Variants in KLHDC10 observed in about 807,000 individuals in gnomAD.
The protein encoded by KLHDC10 is kelch domain-containing protein 10.
KLHDC10 carries 24 observed loss-of-function variants against 56.1 expected under a neutral mutation model. The ratio of observed to expected loss-of-function variants is 0.43; its 90% CI spans 0.31 to 0.60. KLHDC10 has a LOEUF of 0.60. Among genes scored for constraint, KLHDC10 ranks in the 20% least tolerant of loss-of-function variants. KLHDC10 has a pLI of 0.11. For synonymous variants in KLHDC10, 188 were observed against 207.1 expected, an observed-to-expected ratio of 0.91 and a Z score of 0.79; for missense variants, 349 against 567.0, an observed-to-expected ratio of 0.62 and a Z score of 3.91.
chr7:130,130,716 C>T lies in KLHDC10; in HGVS notation c.1299C>T (p.Leu433=), dbSNP rs1314032593. The T allele has an allele frequency of 1.2e-6, 2 of 1,614,046 alleles. No homozygotes were observed. Among genetic ancestry groups the T allele is most frequent in the Non-Finnish European group, 1.7e-6 (2 of 1,180,032 alleles). ...LSRTQLLHLG[L]TQGLIERLK ...GAACACAACTTCTGCACCTTGGACT[C>T]ACACAGGGACTCATCGAACGCTTGA... is the stretch of plus-strand genomic sequence containing the variant. Residue 433 remains leucine (L), a synonymous_variant, in exon 10 of 10, where the codon CTC becomes CTT. Coordinates refer to ENST00000335420, the MANE Select transcript of KLHDC10 (RefSeq NM_014997.4). The surrounding 1 kb of genome is among the most constrained non-coding windows in gnomAD (Gnocchi z 4.2).
chr7:130,109,478 A>T (rs1016673395), intron 2 of KLHDC10, among the ~76,000 whole-genome samples: 3 of 152,062 alleles, frequency 2.0e-5, no homozygotes, highest in African/African-American at 7.2e-5. Flanking sequence ...CTCCTGAAAA[A>T]CAGACATTCT....
In KLHDC10 at chr7:130,073,293, C is replaced by CT. The variant is rs768140763; in HGVS notation, c.166+2504dup. 6.7e-3 allele frequency among the ~76,000 whole-genome samples: 824 copies of CT among 122,904 alleles called. 12 individuals are homozygous for CT. Among genetic ancestry groups the CT allele is most frequent in the Admixed American group, 0.024 (288 of 12,060 alleles). The allele number at this position is 122,904 out of a possible 152,430, so 80.6% of individuals were successfully genotyped here. On this transcript the variant is annotated intron_variant, in intron 1 of 9. Coordinates refer to ENST00000335420, the MANE Select transcript of KLHDC10 (RefSeq NM_014997.4). ...CTTTTGACCTCTAAATCCTATTTGT[C>CT]TTTTTTTTTTTTTTTTTTTTGAGAC...
intron 2 of KLHDC10, among the ~76,000 whole-genome samples, chr7:130,111,777 A>C (rs1209496614): frequency 6.6e-6 from 1 of 152,192 alleles, no homozygotes; most frequent in Non-Finnish European, 1.5e-5. Flanking sequence ...ATAGATCTAA[A>C]AAGTAGGCAA....
At chr7:130,113,069 A>G (rs1796122541) in intron 2 of KLHDC10, among the ~76,000 whole-genome samples, 1 of 152,222 alleles carries the variant, frequency 6.6e-6, no homozygotes, top group African/African-American at 2.4e-5. Flanking sequence ...TACAATCAAT[A>G]TGAAAACTAA....
At chr7:130,125,491 C>A (rs1332355736) in intron 6 of KLHDC10, among the ~76,000 whole-genome samples, 1 of 151,962 alleles carries the variant, frequency 6.6e-6, no homozygotes, top group Non-Finnish European at 1.5e-5. Context: ...TGCAGTGAGC[C>A]AAGATCGCGT....
intron 1 of KLHDC10, among the ~76,000 whole-genome samples, chr7:130,072,778 A>C (rs1795435738): frequency 8.2e-6 from 1 of 122,216 alleles, no homozygotes; most frequent in Admixed American, 8.2e-5. Context: ...ATTTATTGAG[A>C]TGGAGTCTCA....
intron 1 of KLHDC10, among the ~76,000 whole-genome samples, chr7:130,073,122 A>G (rs1448661546): frequency 6.6e-6 from 1 of 151,676 alleles, no homozygotes; most frequent in African/African-American, 2.4e-5. Flanking sequence ...TAACCCCAGC[A>G]CTTTGAAAGT....
intron 1 of KLHDC10, among the ~76,000 whole-genome samples, chr7:130,092,217 ACTT>A (rs1350490714): frequency 2.0e-5 from 3 of 152,092 alleles, no homozygotes; most frequent in Non-Finnish European, 4.4e-5. Flanking sequence ...GTCTTCTTTC[ACTT>A]CTTTTTCAAG....
chr7:130,104,664 T>A (rs1240466687), intron 2 of KLHDC10, among the ~76,000 whole-genome samples: 2 of 152,148 alleles, frequency 1.3e-5, no homozygotes, highest in Non-Finnish European at 2.9e-5. Flanking sequence ...AGCATCTGCT[T>A]CTGGAGAGGC....
intron 2 of KLHDC10, among the ~76,000 whole-genome samples, chr7:130,109,073 C>T (rs909554546): frequency 1.3e-5 from 2 of 151,958 alleles, no homozygotes; most frequent in Admixed American, 6.6e-5. Context: ...CGCCACCACA[C>T]CCTGTATTTT....
At chr7:130,102,095 A>G (rs554140367) in intron 2 of KLHDC10, among the ~76,000 whole-genome samples, 8 of 152,044 alleles carry the variant, frequency 5.3e-5, no homozygotes, top group African/African-American at 1.4e-4. Context: ...GAGGAGCTCT[A>G]TCAAGGATCC....
At chr7:130,095,890 T>C (rs946402661) in intron 1 of KLHDC10, among the ~76,000 whole-genome samples, 3 of 152,174 alleles carry the variant, frequency 2.0e-5, no homozygotes, top group African/African-American at 4.8e-5. Context: ...CTTGAAAAAT[T>C]ATGATGATAC....
intron 5 of KLHDC10, among the ~76,000 whole-genome samples, 160 bp downstream of exon 5, chr7:130,122,362 A>T (rs1202570527): frequency 4.9e-5 from 5 of 101,262 alleles, no homozygotes; most frequent in African/African-American, 1.4e-4. Flanking sequence ...GGTCTATAGT[A>T]AAAAAAGTTC....
At position 130,073,214 on chromosome 7, in the gene KLHDC10, T is replaced by TA. The variant is rs573891410; in HGVS notation, c.166+2411dup. Among the ~76,000 whole-genome samples, 38 of 151,272 alleles carry TA rather than the reference T, an allele frequency of 2.5e-4. 1 individual carries two copies. In the East Asian group the frequency reaches 7.2e-3, roughly 29 times the overall value. On this transcript the variant is annotated intron_variant, in intron 1 of 9. Transcript: ENST00000335420. ...CAAGACCACATCTCAAGTTAAAAAT[T>TA]AAAAAACAACAACAACAACAACAAA...
At chr7:130,115,661 G>T (rs921538011) in intron 2 of KLHDC10, among the ~76,000 whole-genome samples, 5 of 144,088 alleles carry the variant, frequency 3.5e-5, no homozygotes, top group Non-Finnish European at 3.0e-5. Flanking sequence ...GTTGCAGTGA[G>T]CTGAGATCGC....
At chr7:130,121,189 C>T (rs1405638323) in intron 4 of KLHDC10, among the ~76,000 whole-genome samples, 1 of 151,632 alleles carries the variant, frequency 6.6e-6, no homozygotes, top group Non-Finnish European at 1.5e-5. Flanking sequence ...ATGTTAGAAC[C>T]CCACCTCCAC....
chr7:130,085,290 G>A (rs905693322), intron 1 of KLHDC10, among the ~76,000 whole-genome samples: 25 of 146,748 alleles, frequency 1.7e-4, no homozygotes, highest in Non-Finnish European at 3.2e-4. Flanking sequence ...CCGAGATCAT[G>A]CCACTGCACT....
At chr7:130,129,142 C>T (rs533788766) in intron 8 of KLHDC10, among the ~76,000 whole-genome samples, 1 of 151,944 alleles carries the variant, frequency 6.6e-6, no homozygotes, top group South Asian at 2.1e-4. Context: ...GACCCCCTTG[C>T]TCATTTACTT....
intron 1 of KLHDC10, among the ~76,000 whole-genome samples, chr7:130,081,623 G>T (rs1045736256): frequency 1.2e-4 from 19 of 152,296 alleles, no homozygotes; most frequent in East Asian, 7.7e-4. Context: ...CCGGCATTTT[G>T]ATAATGTTAA....
Sources: gnomAD v4.1 joint callset for allele counts (sites outside exome capture counted in the v4.1 genomes callset) on GRCh38, gnomAD v4.1.1 for gene constraint, Gnocchi (gnomAD v3.1) non-coding constraint, MANE v1.5 for transcripts, NCBI Gene and HGNC (gene_info 2026-07-23, HGNC 2026-07-21) for gene names.